FCRL4: variants seen among roughly 807,000 people sequenced by gnomAD.
FCRL4 encodes the protein Fc receptor-like protein 4.
Under a neutral mutation model 64.1 loss-of-function variants are expected in FCRL4, and 43 were observed. That is an observed-to-expected ratio of 0.67 (90% confidence interval 0.53 to 0.87). FCRL4 has a LOEUF of 0.87. Among genes scored for constraint, FCRL4 ranks in the 40% least tolerant of loss-of-function variants. The pLI, the probability that FCRL4 is intolerant of heterozygous loss-of-function variation, is 0.00. For missense variants in FCRL4, 656 were observed against 613.5 expected (o/e 1.07, Z -0.73); for synonymous variants, 253 against 239.8 (o/e 1.05, Z -0.51).
rs140562927 is a variant in FCRL4, at chr1:157,587,321, C to T, written c.802G>A (p.Gly268Ser). 1.2e-6 allele frequency: 2 copies of T among 1,614,188 alleles called. No individual in the cohort carries two copies. The highest frequency in any genetic ancestry group is 1.7e-6 in the Non-Finnish European group (2 of 1,180,030). Residue 268 changes from glycine (G) to serine (S), a missense_variant, in exon 5 of 12, where the codon GGT (glycine) becomes AGT (serine). Coordinates refer to ENST00000271532, the MANE Select transcript of FCRL4 (RefSeq NM_031282.3). ...GAGGGACTGTGCTTGTGGATGTTAC[C>T]CCTCACTGTTTCAGCACCACACCAA... Reference protein sequence around the residue: ...SYWCGAETVRGNIHKHSPSLQ... With the variant: ...SYWCGAETVRSNIHKHSPSLQ...
In FCRL4 at chr1:157,597,928, G is replaced by A. The variant is rs201701822; in HGVS notation, c.17C>T (p.Ser6Phe). The part of the protein sequence containing the change: MLLWA[S>F]LLAFAPVCGQ... ...CCATCACTTACCAAAGGCCAGCAAG[G>A]ACGCCCACAGCAGCATGGAAGCCTG... Residue 6 changes from serine to phenylalanine, a missense_variant, in exon 1 of 12, where the codon TCC becomes TTC. Transcript: ENST00000271532. The A allele has an allele frequency of 1.9e-6, 3 of 1,613,444 alleles. No homozygotes were observed. Among genetic ancestry groups the A allele is most frequent in the Non-Finnish European group, 2.5e-6 (3 of 1,179,666 alleles).
Position 157,587,568 on chromosome 1 carries a change from G to C in FCRL4, c.563-8C>G. The C allele has an allele frequency of 1.9e-6, 3 of 1,611,680 alleles. No individual in the cohort carries two copies. The East Asian group carries it at 6.7e-5, about 36-fold the overall frequency. On this transcript the variant is annotated splice_region_variant and splice_polypyrimidine_tract_variant and intron_variant, in intron 4 of 11. Transcript: ENST00000271532. ...CTGGATGTGGAAATAGTTCTAGAGA[G>C]AAGAGGTAAGTCAAGTTCTGAGCAC... is the stretch of plus-strand genomic sequence containing the variant.
rs143188744 is a variant in FCRL4, at chr1:157,581,615, C to T, written c.1165G>A (p.Ala389Thr). 2.4e-4 allele frequency: 388 copies of T among 1,613,982 alleles called. No homozygotes were observed. In the African/African-American group the frequency reaches 2.8e-3, roughly 11 times the overall value. The stretch of plus-strand genomic sequence containing the variant: ...AGCAGCCCTCCAGTGGCTCCCGCGG[C>T]GACAAGGCCATCTCTGTTGCCTGGG... ...ETPGNRDGLV[A>T]AGATGGLLSA... Residue 389 changes from alanine to threonine, a missense_variant, in exon 7 of 12, where the codon GCC becomes ACC. Ala to Thr is a moderately conservative substitution (Grantham distance 58). Transcript: ENST00000271532.
chr1:157,597,570 A>G, intron 1 of FCRL4, among the ~76,000 whole-genome samples: 1 of 152,212 alleles, frequency 6.6e-6, no homozygotes, highest in East Asian at 1.9e-4. Flanking sequence ...TTTATCCTTC[A>G]CAAATAACTC....
chr1:157,581,535 C>A lies in FCRL4; in HGVS notation c.1245G>T (p.Lys415Asn). ...GGCAAAGAAAAGAGCACAAACCTGA[C>A]TTCCTCCGACGCCAGCAGTGAAACA... ...ALLFHCWRRR[K>N]SGVGFLGDET... The change falls in exon 7 of 12, where the codon AAG (lysine) becomes AAT (asparagine). Residue 415 changes from lysine (K) to asparagine (N), a missense_variant. Lys to Asn is a moderately conservative substitution (Grantham distance 94, BLOSUM62 0). Transcript: ENST00000271532. 1.9e-6 allele frequency: 3 copies of A among 1,613,816 alleles called. No individual in the cohort carries two copies. In the South Asian group the frequency reaches 3.3e-5, roughly 18 times the overall value.
chr1:157,578,668 T>C, intron 9 of FCRL4, 102 bp downstream of exon 9: 1 of 1,404,482 alleles, frequency 7.1e-7, no homozygotes, highest in Non-Finnish European at 1.0e-6. Context: ...AATATCTGGA[T>C]TTGGGACACT....
intron 5 of FCRL4, among the ~76,000 whole-genome samples, chr1:157,586,967 G>C (rs775732500): frequency 2.6e-5 from 4 of 152,182 alleles, no homozygotes; most frequent in Non-Finnish European, 5.9e-5. Context: ...AGCCATTCTA[G>C]AATCTGCCAA....
In FCRL4 at chr1:157,575,467, G is replaced by A; in HGVS notation, c.*57C>T. 2.2e-6 allele frequency: 3 copies of A among 1,356,650 alleles called. No homozygotes were observed. Among genetic ancestry groups the A allele is most frequent in the Non-Finnish European group, 3.1e-6 (3 of 955,214 alleles). The allele number at this position is 1,356,650 out of a possible 1,614,324, so 84.0% of individuals were successfully genotyped here. A position where few individuals can be genotyped will look rare whatever the true frequency, so the allele number is the denominator to read the frequency against. On this transcript the variant is annotated 3_prime_UTR_variant, in exon 12 of 12. Transcript: ENST00000271532. The stretch of plus-strand genomic sequence containing the variant: ...GCCGCAAGGACTGCACTGGGCCTGG[G>A]ACTTTGGACAAGGGAGAAATCACAT...
chr1:157,587,385 G>C lies in FCRL4; in HGVS notation c.738C>G (p.Leu246=), dbSNP rs1652725292. Residue 246 remains leucine, a synonymous_variant, in exon 5 of 12, where the codon CTC becomes CTG. Coordinates refer to ENST00000271532, the MANE Select transcript of FCRL4 (RefSeq NM_031282.3). ...TTTCTCTCCAGACGGTTGGGAGCTGGAGTTCCGGGTACGTGCTCCAGTCTG... is the reference window on the plus strand; with the variant it reads ...TTTCTCTCCAGACGGTTGGGAGCTGCAGTTCCGGGTACGTGCTCCAGTCTG... ...ILSDWSTYPE[L]QLPTVWRENS... The C allele has an allele frequency of 6.2e-7, 1 of 1,614,098 alleles. No homozygotes were observed. Among genetic ancestry groups the C allele is most frequent in the Admixed American group, 1.7e-5 (1 of 60,010 alleles).
intron 8 of FCRL4, among the ~76,000 whole-genome samples, chr1:157,579,527 G>A (rs922863176): frequency 5.3e-5 from 8 of 152,240 alleles, no homozygotes; most frequent in African/African-American, 1.7e-4. Context: ...GACCAGCCCA[G>A]CCAACATTGT....
At chr1:157,596,204 T>C in intron 2 of FCRL4, 124 bp downstream of exon 2, 1 of 1,090,990 alleles carries the variant, frequency 9.2e-7, no homozygotes, top group South Asian at 1.4e-5. Context: ...CTGATGTCTC[T>C]ACATCCCTGC....
intron 5 of FCRL4, among the ~76,000 whole-genome samples, chr1:157,586,942 T>A (rs1164379665): frequency 1.3e-5 from 2 of 152,234 alleles, no homozygotes; most frequent in Admixed American, 6.5e-5. Context: ...TTCTAAATAG[T>A]TATCCTTAAG....
In FCRL4 at chr1:157,581,618, C is replaced by A. The variant is rs984247386; in HGVS notation, c.1162G>T (p.Val388Phe). Residue 388 changes from valine to phenylalanine, a missense_variant, in exon 7 of 12, where the codon GTC becomes TTC. Coordinates refer to ENST00000271532, the MANE Select transcript of FCRL4 (RefSeq NM_031282.3). Reference sequence around the variant, plus strand: ...AGCCCTCCAGTGGCTCCCGCGGCGACAAGGCCATCTCTGTTGCCTGGGGTC... The same window carrying A: ...AGCCCTCCAGTGGCTCCCGCGGCGAAAAGGCCATCTCTGTTGCCTGGGGTC... ...RETPGNRDGL[V>F]AAGATGGLLS... 3.1e-6 allele frequency: 5 copies of A among 1,613,922 alleles called. No homozygotes were observed. In the African/African-American group the frequency reaches 6.7e-5, roughly 22 times the overall value.
Position 157,578,843 on chromosome 1 carries a change from G to T in FCRL4, c.1287C>A (p.Pro429=). 6.2e-7 allele frequency: 1 copy of T among 1,612,606 alleles called. No homozygotes were observed. The highest frequency in any genetic ancestry group is 1.1e-5 in the South Asian group (1 of 90,874). ...GFLGDETRLP[P]APGPGESSHS... is the part of the protein sequence containing the mutation. ...GGGAGGACTCTCCTGGGCCTGGAGC[G>T]GGAGGGAGCCTGTGAGACACAGAAA... is the stretch of plus-strand genomic sequence containing the variant. Residue 429 remains proline, a synonymous_variant, in exon 9 of 12, where the codon CCC becomes CCA. Transcript: ENST00000271532.
Position 157,587,917 on chromosome 1 carries a change from A to G in FCRL4, c.510T>C (p.Tyr170=). The G allele has an allele frequency of 6.2e-7, 1 of 1,610,818 alleles. No individual in the cohort carries two copies. Residue 170 remains tyrosine, a synonymous_variant, in exon 4 of 12, where the codon TAT becomes TAC. Coordinates refer to ENST00000271532, the MANE Select transcript of FCRL4 (RefSeq NM_031282.3). ...NNNGNYRCIG[Y]GDENDVFRSN... ...ATCTAAATACATCATTCTCGTCTCC[A>G]TATCCAATGCATCGATAATTGCCAT...
rs764765610 is a variant in FCRL4 at position 157,585,344 on chromosome 1, C to CTCTTTCTT, written c.1135+816_1135+823dup. On this transcript the variant is annotated intron_variant, in intron 6 of 11. Transcript: ENST00000271532. ...CTTCCTTCTCTCTTTCTTTCTCTCT[C>CTCTTTCTT]TCTTTCTTTCTTTCTTTCTTTCTTT... Among the ~76,000 whole-genome samples the CTCTTTCTT allele has an allele frequency of 4.8e-3, 389 of 81,320 alleles. 2 individuals carry two copies. The highest frequency in any genetic ancestry group is 9.9e-3 in the African/African-American group (225 of 22,778). 53.3% of individuals were successfully genotyped at this position (81,320 alleles called of 152,430 possible).
rs113365153 is a variant in FCRL4 at position 157,589,672 on chromosome 1, G to T, written c.53-214C>A. Among the ~76,000 whole-genome samples, 1,231 of 140,164 alleles carry T rather than the reference G, an allele frequency of 8.8e-3. 5 individuals are homozygous for T. The highest frequency in any genetic ancestry group is 0.011 in the Non-Finnish European group (718 of 67,108). The allele number at this position is 140,164 out of a possible 152,430, so 92.0% of individuals were successfully genotyped here. ...ATAGCAGCAGACTGGCCTTTCAGAG[G>T]GGGGGCAGCCCTGGCAGGATCCACT... On this transcript the variant is annotated intron_variant, in intron 2 of 11. Transcript: ENST00000271532.
At chr1:157,587,769 C>A in intron 4 of FCRL4, 96 bp downstream of exon 4, 2 of 1,301,722 alleles carry the variant, frequency 1.5e-6, no homozygotes, top group East Asian at 2.4e-5. Context: ...CTCATCTATC[C>A]AGAGTTTCAA....
intron 6 of FCRL4, among the ~76,000 whole-genome samples, chr1:157,585,407 T>TTTCCTTCC (rs1357858290): frequency 6.6e-5 from 9 of 137,206 alleles, no homozygotes; most frequent in African/African-American, 2.3e-4. Flanking sequence ...TCTTTCTTTC[T>TTTCCTTCC]TTCTTTCTTT....
Sources: gnomAD v4.1 joint callset for allele counts (sites outside exome capture counted in the v4.1 genomes callset) on GRCh38, gnomAD v4.1.1 for gene constraint, MANE v1.5 for transcripts, NCBI Gene and HGNC (gene_info 2026-07-23, HGNC 2026-07-21) for gene names.